Variants in CLNS1A observed in about 807,000 individuals in gnomAD.
CLNS1A encodes methylosome subunit pICln.
A neutral mutation model predicts 29.4 loss-of-function variants in CLNS1A; 16 were observed. The observed-to-expected ratio is 0.54, with a 90% confidence interval of 0.37 to 0.83. The LOEUF (loss-of-function observed/expected upper bound fraction) is 0.83. CLNS1A is among the 40% of genes least tolerant of loss of function. The pLI is 0.00. For missense variants in CLNS1A, 235 were observed against 287.4 expected (o/e 0.82, Z 1.32); for synonymous variants, 96 against 104.8 (o/e 0.92, Z 0.51).
intron 6 of CLNS1A, among the ~76,000 whole-genome samples, chr11:77,617,044 C>A (rs1958911312): frequency 6.6e-6 from 1 of 152,268 alleles, no homozygotes; most frequent in South Asian, 2.1e-4. Flanking sequence ...CTTATTCATT[C>A]TTTTAAAGCA....
intron 2 of CLNS1A, among the ~76,000 whole-genome samples, chr11:77,628,377 G>C (rs1565127993): frequency 6.6e-6 from 1 of 152,268 alleles, no homozygotes; most frequent in East Asian, 1.9e-4. Flanking sequence ...CATTTACTTA[G>C]ATGGAGAGTA....
intron 2 of CLNS1A, among the ~76,000 whole-genome samples, chr11:77,627,511 A>T (rs917466040): frequency 1.3e-5 from 2 of 152,132 alleles, no homozygotes; most frequent in Non-Finnish European, 2.9e-5. Context: ...ACTAATTTCT[A>T]GTAAGATAGG....
At chr11:77,637,346 A>G (rs894271964) in intron 1 of CLNS1A, among the ~76,000 whole-genome samples, 117 of 150,236 alleles carry the variant, frequency 7.8e-4, no homozygotes, top group African/African-American at 2.6e-3. Flanking sequence ...AAGAAAAAAA[A>G]AAAAAAAAAG....
intron 5 of CLNS1A, among the ~76,000 whole-genome samples, chr11:77,620,813 C>A (rs1361788097): frequency 6.6e-6 from 1 of 151,646 alleles, no homozygotes; most frequent in African/African-American, 2.4e-5. Context: ...GAAACCCCGC[C>A]TCTACTAAAA....
chr11:77,629,072 C>A (rs1959048839), intron 2 of CLNS1A, among the ~76,000 whole-genome samples: 1 of 151,956 alleles, frequency 6.6e-6, no homozygotes, highest in Admixed American at 6.6e-5. Flanking sequence ...CCACTGAGAC[C>A]CACTACTGAA....
intron 1 of CLNS1A, among the ~76,000 whole-genome samples, chr11:77,631,421 C>T (rs899104193): frequency 3.3e-5 from 5 of 150,838 alleles, no homozygotes; most frequent in African/African-American, 4.9e-5. Flanking sequence ...CTCGGGTTCA[C>T]GCCATTCTCT....
chr11:77,635,179 T>C (rs1240660024), intron 1 of CLNS1A, among the ~76,000 whole-genome samples: 1 of 152,122 alleles, frequency 6.6e-6, no homozygotes, highest in Non-Finnish European at 1.5e-5. Flanking sequence ...ATTGTGGTTA[T>C]ACAAGATAAT....
chr11:77,627,836 T>G (rs1959035865), intron 2 of CLNS1A, among the ~76,000 whole-genome samples: 1 of 152,136 alleles, frequency 6.6e-6, no homozygotes, highest in African/African-American at 2.4e-5. Flanking sequence ...CTTACTTTTT[T>G]TTCTTTTCTT....
At chr11:77,635,915 T>A (rs1474050396) in intron 1 of CLNS1A, among the ~76,000 whole-genome samples, 1 of 152,182 alleles carries the variant, frequency 6.6e-6, no homozygotes, top group Non-Finnish European at 1.5e-5. Context: ...AGTTTCTTCT[T>A]TCATGACCCA....
At chr11:77,627,234 G>A (rs1384140259) in intron 2 of CLNS1A, among the ~76,000 whole-genome samples, 1 of 150,376 alleles carries the variant, frequency 6.6e-6, no homozygotes, top group Non-Finnish European at 1.5e-5. Context: ...GAGATGGAGA[G>A]CATCCTGGCC....
intron 1 of CLNS1A, among the ~76,000 whole-genome samples, chr11:77,635,353 TTC>T (rs1324153226): frequency 1.4e-4 from 20 of 145,842 alleles, no homozygotes; most frequent in Non-Finnish European, 2.9e-4. Context: ...TTTGAAATTT[TTC>T]TTTTTTTTTT....
chr11:77,626,806 C>T (rs1463818592), intron 2 of CLNS1A, among the ~76,000 whole-genome samples: 1 of 151,310 alleles, frequency 6.6e-6, no homozygotes, highest in African/African-American at 2.4e-5. Flanking sequence ...ATTCTCCTGC[C>T]TCAGCCTCCT....
intron 1 of CLNS1A, among the ~76,000 whole-genome samples, chr11:77,632,358 C>T (rs1466883433): frequency 6.6e-6 from 1 of 152,130 alleles, no homozygotes; most frequent in Non-Finnish European, 1.5e-5. Context: ...TATCCAGAGC[C>T]ATAAAACTTG....
At chr11:77,625,190 G>C in intron 3 of CLNS1A, 120 bp from the exon 4 acceptor site, 1 of 661,056 alleles carries the variant, frequency 1.5e-6, no homozygotes, top group South Asian at 2.0e-5. Flanking sequence ...CAAATTGTAA[G>C]ATCAATCTTG....
chr11:77,619,274 G>C (rs1243003955), intron 6 of CLNS1A, among the ~76,000 whole-genome samples: 1 of 152,236 alleles, frequency 6.6e-6, no homozygotes, highest in Non-Finnish European at 1.5e-5. Flanking sequence ...GCTCACAGCT[G>C]TAATCCCAGT....
Position 77,625,854 on chromosome 11 carries a change from G to C in CLNS1A, c.263-36C>G, listed in dbSNP as rs749824024. 3 of 1,444,446 alleles carry C rather than the reference G, an allele frequency of 2.1e-6. No individual in the cohort carries two copies. The East Asian group carries it at 6.9e-5, about 33-fold the overall frequency. The allele number at this position is 1,444,446 out of a possible 1,614,324, so 89.5% of individuals were successfully genotyped here. On this transcript the variant is annotated intron_variant, in intron 2 of 6. Transcript: ENST00000525428. ...AAATACCCTTTTAATGTCATTATTT[G>C]ACTTTAAAAAAATGAAGCATATTGA...
At chr11:77,626,468 G>A (rs571185086) in intron 2 of CLNS1A, among the ~76,000 whole-genome samples, 8 of 152,128 alleles carry the variant, frequency 5.3e-5, no homozygotes, top group East Asian at 2.0e-4. Flanking sequence ...GTGAAACCCC[G>A]TCTCTACTAA....
At position 77,625,453 on chromosome 11, in the gene CLNS1A, A is replaced by G. The variant is rs577715904; in HGVS notation, c.364+264T>C. On this transcript the variant is annotated intron_variant, in intron 3 of 6. Coordinates refer to ENST00000525428, the MANE Select transcript of CLNS1A (RefSeq NM_001293.3). ...CAGGTGAGATTAAGTCAACAGCACC[A>G]ATCAGTAAAACTAACCAGAGTCCAC... The G allele has an allele frequency of 4.1e-5, 20 of 483,538 alleles. 1 individual carries two copies. The Admixed American group carries it at 5.8e-4, about 14-fold the overall frequency. 30.0% of individuals were successfully genotyped at this position (483,538 alleles called of 1,614,324 possible).
At chr11:77,632,635 TAA>T (rs983683614) in intron 1 of CLNS1A, among the ~76,000 whole-genome samples, 1 of 151,742 alleles carries the variant, frequency 6.6e-6, no homozygotes. Flanking sequence ...TTTTTTTAAA[TAA>T]AAAAAGAAAA....
Sources: gnomAD v4.1 joint callset for allele counts (sites outside exome capture counted in the v4.1 genomes callset) on GRCh38, gnomAD v4.1.1 for gene constraint, MANE v1.5 for transcripts, NCBI Gene and HGNC (gene_info 2026-07-23, HGNC 2026-07-21) for gene names.